ROBO1: variants seen among roughly 807,000 people sequenced by gnomAD.
ROBO1 encodes roundabout homolog 1.
Under a neutral mutation model 195.9 loss-of-function variants are expected in ROBO1, and 149 were observed. The ratio of observed to expected loss-of-function variants is 0.76; its 90% CI spans 0.67 to 0.87. The LOEUF (loss-of-function observed/expected upper bound fraction) is 0.87, where lower values mean the gene tolerates loss of function less well. ROBO1 is among the 40% of genes least tolerant of loss of function. ROBO1 has a pLI of 0.00. For synonymous variants in ROBO1, 816 were observed against 733.2 expected, an observed-to-expected ratio of 1.11 and a Z score of -1.82; for missense variants, 1,933 against 2,068.3, an observed-to-expected ratio of 0.93 and a Z score of 1.27.
chr3:78,809,582 A>C (rs1576208992), intron 4 of ROBO1, among the ~76,000 whole-genome samples: 1 of 149,558 alleles, frequency 6.7e-6, no homozygotes, highest in Non-Finnish European at 1.5e-5. Context: ...AAAGACTTGG[A>C]ACCAACACAA....
intron 2 of ROBO1, among the ~76,000 whole-genome samples, chr3:79,521,253 G>C (rs1262867962): frequency 2.0e-5 from 3 of 152,098 alleles, no homozygotes; most frequent in Non-Finnish European, 4.4e-5. Flanking sequence ...GCAATTCAAA[G>C]AAAGCATCAT....
chr3:78,708,171 T>C (rs368808694), intron 8 of ROBO1, among the ~76,000 whole-genome samples: 23 of 152,270 alleles, frequency 1.5e-4, no homozygotes, highest in South Asian at 6.2e-4. Context: ...ATGAGTATCA[T>C]TGAAGCAAGG....
At chr3:79,745,347 A>G (rs776569812) in intron 1 of ROBO1, among the ~76,000 whole-genome samples, 11 of 152,230 alleles carry the variant, frequency 7.2e-5, no homozygotes, top group Non-Finnish European at 1.0e-4. Context: ...CCAATTACCA[A>G]AAACAGTGAA....
intron 3 of ROBO1, among the ~76,000 whole-genome samples, chr3:79,032,414 T>C (rs975520202): frequency 6.6e-6 from 1 of 151,954 alleles, no homozygotes. Context: ...AATAATATAA[T>C]AAATTTAACT....
intron 2 of ROBO1, among the ~76,000 whole-genome samples, chr3:79,259,770 T>C (rs182103185): frequency 2.0e-4 from 30 of 152,246 alleles, no homozygotes; most frequent in Non-Finnish European, 7.4e-5. Flanking sequence ...AAATCGACAT[T>C]TCTCAAATTA....
chr3:79,032,216 T>C (rs1328607836), intron 3 of ROBO1, among the ~76,000 whole-genome samples: 1 of 152,030 alleles, frequency 6.6e-6, no homozygotes. Flanking sequence ...GAGCAAATTA[T>C]TTTTTAATAC....
At chr3:79,275,250 C>T (rs551197922) in intron 2 of ROBO1, among the ~76,000 whole-genome samples, 3 of 151,814 alleles carry the variant, frequency 2.0e-5, no homozygotes, top group African/African-American at 7.2e-5. Context: ...ACCAGGAAAC[C>T]AAATTCAACA....
At chr3:79,711,192 T>C (rs1320023455) in intron 1 of ROBO1, among the ~76,000 whole-genome samples, 1 of 152,168 alleles carries the variant, frequency 6.6e-6, no homozygotes, top group Non-Finnish European at 1.5e-5. Context: ...ACCTCTGTAG[T>C]CCTGGATTCA....
intron 1 of ROBO1, among the ~76,000 whole-genome samples, chr3:79,618,205 T>C (rs1325977708): frequency 1.3e-5 from 2 of 152,238 alleles, no homozygotes; most frequent in Non-Finnish European, 2.9e-5. Context: ...GGAAAACATA[T>C]CTGATGACAT....
intron 1 of ROBO1, among the ~76,000 whole-genome samples, chr3:79,605,953 T>G (rs1008047336): frequency 6.6e-6 from 1 of 151,560 alleles, no homozygotes; most frequent in Admixed American, 6.6e-5. Flanking sequence ...GCATTGATCT[T>G]AAGTATACAG....
At chr3:78,781,292 C>T (rs757579736) in intron 4 of ROBO1, among the ~76,000 whole-genome samples, 11 of 152,098 alleles carry the variant, frequency 7.2e-5, no homozygotes, top group Non-Finnish European at 2.9e-5. Context: ...ACCTTCTCTC[C>T]GACTCCAATT....
At chr3:78,746,975 C>T (rs1033954359) in intron 4 of ROBO1, 75 bp from the exon 5 acceptor site, 27 of 989,580 alleles carry the variant, frequency 2.7e-5, no homozygotes, top group African/African-American at 1.3e-4. Flanking sequence ...CAGCAGGAGA[C>T]ATTTATTATA....
intron 3 of ROBO1, among the ~76,000 whole-genome samples, chr3:79,054,403 G>A (rs573929887): frequency 1.5e-4 from 23 of 152,124 alleles, no homozygotes; most frequent in African/African-American, 4.8e-4. Flanking sequence ...ATTCTCCTTC[G>A]TATGTTAGCT....
chr3:79,733,562 T>A (rs1268099123), intron 1 of ROBO1, among the ~76,000 whole-genome samples: 1 of 152,184 alleles, frequency 6.6e-6, no homozygotes, highest in Non-Finnish European at 1.5e-5. Context: ...TGGATTTAAA[T>A]CTTTAAGTGG....
intron 1 of ROBO1, among the ~76,000 whole-genome samples, chr3:79,739,015 T>A (rs1450883603): frequency 1.3e-5 from 2 of 152,202 alleles, no homozygotes; most frequent in Non-Finnish European, 2.9e-5. Flanking sequence ...CATAAATATG[T>A]TGGCTTAATG....
At chr3:79,581,699 C>T (rs1275568786) in intron 2 of ROBO1, among the ~76,000 whole-genome samples, 2 of 152,042 alleles carry the variant, frequency 1.3e-5, no homozygotes, top group Non-Finnish European at 2.9e-5. Flanking sequence ...AATTTCCAAT[C>T]ATTTGTAATA....
chr3:78,847,258 A>G (rs1194548172), intron 4 of ROBO1, among the ~76,000 whole-genome samples: 2 of 152,176 alleles, frequency 1.3e-5, no homozygotes. Context: ...TTTACCTTGG[A>G]CAGGTACTTC....
At chr3:79,019,337 G>C in intron 3 of ROBO1, 1 of 985,720 alleles carries the variant, frequency 1.0e-6, no homozygotes, top group Non-Finnish European at 1.2e-6. Flanking sequence ...CGGGGTGGCA[G>C]AGAAGGGCAG....
intron 3 of ROBO1, among the ~76,000 whole-genome samples, chr3:79,093,612 C>T (rs1004642342): frequency 1.1e-4 from 17 of 152,044 alleles, no homozygotes; most frequent in Non-Finnish European, 2.4e-4. Context: ...TACTACCATG[C>T]CCTTAATATA....
Sources: gnomAD v4.1 joint callset for allele counts (sites outside exome capture counted in the v4.1 genomes callset) on GRCh38, gnomAD v4.1.1 for gene constraint, MANE v1.5 for transcripts, NCBI Gene and HGNC (gene_info 2026-07-23, HGNC 2026-07-21) for gene names.